BTBD17: variants seen among roughly 807,000 people sequenced by gnomAD.
The protein encoded by BTBD17 is BTB/POZ domain-containing protein 17.
BTBD17 carries 26 observed loss-of-function variants against 36.9 expected under a neutral mutation model. The observed-to-expected ratio is 0.70, with a 90% CI of 0.52 to 0.98. The LOEUF (loss-of-function observed/expected upper bound fraction) is 0.98. Ranked by LOEUF, BTBD17 falls within the 50% of genes least tolerant of loss-of-function variation. The pLI, the probability that BTBD17 is intolerant of heterozygous loss-of-function variation, is 0.00. For missense variants in BTBD17, 630 were observed against 691.3 expected, an observed-to-expected ratio of 0.91 and a Z score of 0.99; for synonymous variants, 341 against 338.0, an observed-to-expected ratio of 1.01 and a Z score of -0.10.
Position 74,356,451 on chromosome 17 carries a change from G to T in BTBD17, c.*206C>A. The stretch of plus-strand genomic sequence containing the variant: ...TGAGCATCGGTTTATTCAGGACCAA[G>T]AACGTTCCTTCAAGTCAGCTGTGAA... On this transcript the variant is annotated 3_prime_UTR_variant, in exon 3 of 3. Transcript: ENST00000375366. The surrounding 1 kb of genome is among the most constrained non-coding windows in gnomAD (Gnocchi z 4.3). The T allele has an allele frequency of 1.2e-6, 1 of 808,120 alleles. No individual in the cohort carries two copies. Among genetic ancestry groups the T allele is most frequent in the Non-Finnish European group, 1.7e-6 (1 of 591,682 alleles). 50.1% of individuals were successfully genotyped at this position (808,120 alleles called of 1,614,324 possible).
At position 74,356,664 on chromosome 17, in the gene BTBD17, G is replaced by T; in HGVS notation, c.1430C>A (p.Pro477His). 1 of 1,534,380 alleles carries T rather than the reference G, an allele frequency of 6.5e-7. No individual in the cohort carries two copies. Among genetic ancestry groups the T allele is most frequent in the South Asian group, 1.2e-5 (1 of 81,904 alleles). ...KPVYHTLIRT[P>H]K is the part of the protein sequence containing the mutation. ...TATTCCCAGACCCCGAGGCTACTTG[G>T]GGGTCCGGATAAGGGTGTGGTATAC... The change falls in exon 3 of 3, where the codon CCC becomes CAC. Residue 477 changes from proline (P) to histidine (H), a missense_variant. Transcript: ENST00000375366. This position sits in a 1 kb window ranked among gnomAD's most constrained non-coding sequence, Gnocchi z 4.3.
intron 1 of BTBD17, 25 bp downstream of exon 1, chr17:74,361,710 C>A: frequency 1.2e-6 from 2 of 1,601,476 alleles, no homozygotes; most frequent in Non-Finnish European, 1.7e-6. Context: ...CACCCTGCCC[C>A]GCACCTGGCC....
At position 74,357,765 on chromosome 17, in the gene BTBD17, G is replaced by T; in HGVS notation, c.363-34C>A. 1 of 1,491,766 alleles carries T rather than the reference G, an allele frequency of 6.7e-7. No homozygotes were observed. The highest frequency in any genetic ancestry group is 9.0e-7 in the Non-Finnish European group (1 of 1,116,124). The allele number at this position is 1,491,766 out of a possible 1,614,324, so 92.4% of individuals were successfully genotyped here. A position where few individuals can be genotyped will look rare whatever the true frequency, so the allele number is the denominator to read the frequency against. On this transcript the variant is annotated intron_variant, in intron 2 of 2. Transcript: ENST00000375366. The surrounding 1 kb of genome is among the most constrained non-coding windows in gnomAD (Gnocchi z 8.4). ...GAGACCGAGAGGTGGGGCGGGGTCA[G>T]GGCGGTACCCACCTCCCAGGATAGA...
Position 74,357,138 on chromosome 17 carries a change from G to A in BTBD17, c.956C>T (p.Pro319Leu). ...SAFLPRNYLA[P>L]AWGAPWVINN... ...GATGACCCACGGGGCGCCCCAGGCGGGCGCGAGGTAGTTGCGGGGCAGGAA... is the reference window on the plus strand; with the variant it reads ...GATGACCCACGGGGCGCCCCAGGCGAGCGCGAGGTAGTTGCGGGGCAGGAA... Residue 319 changes from proline to leucine, a missense_variant, in exon 3 of 3, where the codon CCC becomes CTC. Physicochemically the swap from Pro to Leu is moderately conservative, Grantham distance 98. Coordinates refer to ENST00000375366, the MANE Select transcript of BTBD17 (RefSeq NM_001080466.2). This position sits in a 1 kb window ranked among gnomAD's most constrained non-coding sequence, Gnocchi z 8.4. 1.3e-6 allele frequency: 2 copies of A among 1,531,854 alleles called. No homozygotes were observed. The highest frequency in any genetic ancestry group is 1.7e-6 in the Non-Finnish European group (2 of 1,146,734). The allele number at this position is 1,531,854 out of a possible 1,614,324, so 94.9% of individuals were successfully genotyped here.
At position 74,361,827 on chromosome 17, in the gene BTBD17, C is replaced by A; in HGVS notation, c.-8G>T. 6.2e-7 allele frequency: 1 copy of A among 1,612,728 alleles called. No individual in the cohort carries two copies. The highest frequency in any genetic ancestry group is 8.5e-7 in the Non-Finnish European group (1 of 1,178,968). ...GTAGCCTCTCCTAGGCATCTTTATGCTCAGCCCCCAAGTCCACTGGAGGGA... is the reference window on the plus strand; with the variant it reads ...GTAGCCTCTCCTAGGCATCTTTATGATCAGCCCCCAAGTCCACTGGAGGGA... On this transcript the variant is annotated 5_prime_UTR_variant, in exon 1 of 3. Coordinates refer to ENST00000375366, the MANE Select transcript of BTBD17 (RefSeq NM_001080466.2).
upstream of BTBD17, chr17:74,362,039 T>C (rs1206071881): frequency 3.8e-6 from 2 of 519,620 alleles, no homozygotes; most frequent in African/African-American, 3.9e-5. Flanking sequence ...CCGGGGGCTA[T>C]TGTGCTGCCT....
In BTBD17 at chr17:74,356,877, C is replaced by G. The variant is rs2054894354; in HGVS notation, c.1217G>C (p.Gly406Ala). 1.3e-6 allele frequency: 2 copies of G among 1,497,826 alleles called. No individual in the cohort carries two copies. The highest frequency in any genetic ancestry group is 1.4e-5 in the African/African-American group (1 of 69,174). 92.8% of individuals were successfully genotyped at this position (1,497,826 alleles called of 1,614,324 possible). The change falls in exon 3 of 3, where the codon GGC becomes GCC. Residue 406 changes from glycine to alanine, a missense_variant. Gly to Ala is a moderately conservative substitution (Grantham distance 60). Coordinates refer to ENST00000375366, the MANE Select transcript of BTBD17 (RefSeq NM_001080466.2). This position sits in a 1 kb window ranked among gnomAD's most constrained non-coding sequence, Gnocchi z 4.3. ...CAGCACCGTCTTCTGGAAGCTCACG[C>G]CCGCCGCGTCGCCGCCGCTGCTGGC... ...TPASSGGDAAGVSFQKTVLVG... is the reference protein window; with the variant it reads ...TPASSGGDAAAVSFQKTVLVG...
At chr17:74,360,354 G>A in intron 1 of BTBD17, 109 bp from the exon 2 acceptor site, 2 of 1,184,400 alleles carry the variant, frequency 1.7e-6, no homozygotes, top group South Asian at 3.1e-5. Flanking sequence ...GTGAGCAGAG[G>A]GCAAGGTGGG....
In BTBD17 at chr17:74,357,616, C is replaced by T. The variant is rs933654831; in HGVS notation, c.478G>A (p.Ala160Thr). 3.9e-6 allele frequency: 6 copies of T among 1,550,674 alleles called. No individual in the cohort carries two copies. Among genetic ancestry groups the T allele is most frequent in the African/African-American group, 1.4e-5 (1 of 73,358 alleles). The change falls in exon 3 of 3, where the codon GCG becomes ACG. Residue 160 changes from alanine to threonine, a missense_variant. Physicochemically the swap from Ala to Thr is moderately conservative, Grantham distance 58. Transcript: ENST00000375366. The surrounding 1 kb of genome is among the most constrained non-coding windows in gnomAD (Gnocchi z 8.4). ...GGGCCCGCGCCTCCCGCCAGGTGCG[C>T]GCGCATGTAGTCGGCCACGCCGCGC... ...LQRGVADYMR[A>T]HLAGGAGPAV... is the part of the protein sequence containing the mutation.
At chr17:74,362,856 A>G (rs1339388344), upstream of BTBD17, among the ~76,000 whole-genome samples, 1 of 152,228 alleles carries the variant, frequency 6.6e-6, no homozygotes, top group African/African-American at 2.4e-5. Context: ...AAACTGAGGC[A>G]GGGAGCTAGG....
chr17:74,357,192 G>A lies in BTBD17; in HGVS notation c.902C>T (p.Ala301Val), dbSNP rs191617895. ...GCTGCCGTTGACGTCGAAGAACTTG[G>A]CGTAGTGCAGCGGCGACGCGGCGTG... ...QFHAASPLHY[A>V]KFFDVNGSAF... Residue 301 changes from alanine (A) to valine (V), a missense_variant, in exon 3 of 3, where the codon GCC becomes GTC. By Grantham distance (64) the Ala-to-Val change is moderately conservative. Coordinates refer to ENST00000375366, the MANE Select transcript of BTBD17 (RefSeq NM_001080466.2). The surrounding 1 kb of genome is among the most constrained non-coding windows in gnomAD (Gnocchi z 8.4). 212 of 1,568,612 alleles carry A rather than the reference G, an allele frequency of 1.4e-4. No homozygotes were observed. Among genetic ancestry groups the A allele is most frequent in the Middle Eastern group, 6.9e-4 (4 of 5,838 alleles).
At chr17:74,361,491 C>T (rs561202536) in intron 1 of BTBD17, among the ~76,000 whole-genome samples, 1 of 152,284 alleles carries the variant, frequency 6.6e-6, no homozygotes, top group East Asian at 1.9e-4. Flanking sequence ...ATGCTGATGG[C>T]GTCCCCATTC....
At position 74,356,672 on chromosome 17, in the gene BTBD17, G is replaced by A. The variant is rs1335648820; in HGVS notation, c.1422C>T (p.Ile474=). The A allele has an allele frequency of 2.6e-6, 4 of 1,554,818 alleles. No homozygotes were observed. Among genetic ancestry groups the A allele is most frequent in the Non-Finnish European group, 3.5e-6 (4 of 1,146,832 alleles). Residue 474 remains isoleucine, a synonymous_variant, in exon 3 of 3, where the codon ATC becomes ATT. Coordinates refer to ENST00000375366, the MANE Select transcript of BTBD17 (RefSeq NM_001080466.2). The surrounding 1 kb of genome is among the most constrained non-coding windows in gnomAD (Gnocchi z 4.3). Reference sequence around the variant, plus strand: ...GACCCCGAGGCTACTTGGGGGTCCGGATAAGGGTGTGGTATACGGGCTTGA... The same window carrying A: ...GACCCCGAGGCTACTTGGGGGTCCGAATAAGGGTGTGGTATACGGGCTTGA... ...LIVKPVYHTL[I]RTPK
chr17:74,357,061 G>C lies in BTBD17; in HGVS notation c.1033C>G (p.Pro345Ala), dbSNP rs1213680282. The C allele has an allele frequency of 2.6e-6, 4 of 1,532,876 alleles. No homozygotes were observed. The highest frequency in any genetic ancestry group is 1.4e-5 in the African/African-American group (1 of 69,698). The allele number at this position is 1,532,876 out of a possible 1,614,324, so 95.0% of individuals were successfully genotyped here. A position where few individuals can be genotyped will look rare whatever the true frequency, so the allele number is the denominator to read the frequency against. Residue 345 changes from proline to alanine, a missense_variant, in exon 3 of 3, where the codon CCG becomes GCG. Physicochemically the swap from Pro to Ala is conservative, Grantham distance 27. Transcript: ENST00000375366. This position sits in a 1 kb window ranked among gnomAD's most constrained non-coding sequence, Gnocchi z 8.4. Reference protein sequence around the residue: ...RSTSFQTQLGPSGHDAGRRVT... With the variant: ...RSTSFQTQLGASGHDAGRRVT... ...CGGCGGCCCGCGTCGTGGCCACTCG[G>C]GCCCAGCTGCGTCTGGAAGCTGGTG...
In BTBD17 at chr17:74,356,932, C is replaced by A; in HGVS notation, c.1162G>T (p.Asp388Tyr). 7.2e-7 allele frequency: 1 copy of A among 1,398,254 alleles called. No individual in the cohort carries two copies. The highest frequency in any genetic ancestry group is 1.6e-5 in the South Asian group (1 of 62,266). 86.6% of individuals were successfully genotyped at this position (1,398,254 alleles called of 1,614,324 possible). Residue 388 changes from aspartate (D) to tyrosine (Y), a missense_variant, in exon 3 of 3, where the codon GAC becomes TAC. Physicochemically the swap from Asp to Tyr is radical, Grantham distance 160. Coordinates refer to ENST00000375366, the MANE Select transcript of BTBD17 (RefSeq NM_001080466.2). The surrounding 1 kb of genome is among the most constrained non-coding windows in gnomAD (Gnocchi z 4.3). ...GTCACCACCAGCCGCGGTCGGCCGTCCTCCGGGCGCGCGGCGGGCAGAGCA... is the reference window on the plus strand; with the variant it reads ...GTCACCACCAGCCGCGGTCGGCCGTACTCCGGGCGCGCGGCGGGCAGAGCA... Reference protein sequence around the residue: ...GTALPAARPEDGRPRLVVTPA... With the variant: ...GTALPAARPEYGRPRLVVTPA...
chr17:74,361,831 G>A lies in BTBD17; in HGVS notation c.-12C>T, dbSNP rs1303270834. On this transcript the variant is annotated 5_prime_UTR_variant, in exon 1 of 3. Coordinates refer to ENST00000375366, the MANE Select transcript of BTBD17 (RefSeq NM_001080466.2). The stretch of plus-strand genomic sequence containing the variant: ...CCTCTCCTAGGCATCTTTATGCTCA[G>A]CCCCCAAGTCCACTGGAGGGACGGT... 1.9e-6 allele frequency: 3 copies of A among 1,611,448 alleles called. No homozygotes were observed. In the South Asian group the frequency reaches 3.3e-5, roughly 18 times the overall value.
At chr17:74,362,246 G>A (rs1008286290), upstream of BTBD17, among the ~76,000 whole-genome samples, 1 of 152,178 alleles carries the variant, frequency 6.6e-6, no homozygotes, top group African/African-American at 2.4e-5. Context: ...CTGGCACAGA[G>A]CACACTTGGC....
At chr17:74,358,778 C>T (rs1326565693) in intron 2 of BTBD17, among the ~76,000 whole-genome samples, 1 of 152,266 alleles carries the variant, frequency 6.6e-6, no homozygotes, top group Middle Eastern at 3.4e-3. Context: ...CAGCCACTGC[C>T]AGCCATCTTC....
At chr17:74,361,660 G>T in intron 1 of BTBD17, 75 bp downstream of exon 1, 1 of 1,266,306 alleles carries the variant, frequency 7.9e-7, no homozygotes, top group Non-Finnish European at 1.1e-6. Context: ...CCCCCTCCTG[G>T]CCGGCCGCGT....
Sources: gnomAD v4.1 joint callset for allele counts (sites outside exome capture counted in the v4.1 genomes callset) on GRCh38, gnomAD v4.1.1 for gene constraint, Gnocchi (gnomAD v3.1) non-coding constraint, MANE v1.5 for transcripts, NCBI Gene and HGNC (gene_info 2026-07-23, HGNC 2026-07-21) for gene names.